TTLL11: variants seen among roughly 807,000 people sequenced by gnomAD.
TTLL11 encodes tubulin tyrosine ligase like 11.
In TTLL11, 42 loss-of-function variants were observed where a neutral mutation model predicts 51.7. The observed-to-expected ratio is 0.81, with a 90% CI of 0.64 to 1.05. TTLL11 has a LOEUF of 1.05. Ranked by LOEUF, TTLL11 falls within the 50% of genes least tolerant of loss-of-function variation. The pLI is 0.00. For missense variants in TTLL11, 799 were observed against 940.4 expected, an observed-to-expected ratio of 0.85 and a Z score of 1.97; for synonymous variants, 381 against 383.5, an observed-to-expected ratio of 0.99 and a Z score of 0.08.
rs1452440399 is a variant in TTLL11 at position 121,819,795 on chromosome 9, GT to G, written c.*2791del. ...GAAGGAACCATCTGCTTTTGCTATC[GT>G]TTCAATTACATCCAATAAAACGAGT... On this transcript the variant is annotated 3_prime_UTR_variant, in exon 9 of 9. Transcript: ENST00000321582. Among the ~76,000 whole-genome samples the G allele has an allele frequency of 6.6e-6, 1 of 152,186 alleles. No homozygotes were observed. Among genetic ancestry groups the G allele is most frequent in the Non-Finnish European group, 1.5e-5 (1 of 68,036 alleles).
Position 122,093,110 on chromosome 9 carries a change from C to T in TTLL11, c.39G>A (p.Arg13=). 1 of 1,497,602 alleles carries T rather than the reference C, an allele frequency of 6.7e-7. No individual in the cohort carries two copies. Among genetic ancestry groups the T allele is most frequent in the Non-Finnish European group, 8.8e-7 (1 of 1,130,730 alleles). 92.8% of individuals were successfully genotyped at this position (1,497,602 alleles called of 1,614,324 possible). ...CCGCAGCCACCGCCTCCGCCTCCCA[C>T]CGGGCCGCCAGCTCGCTCTCGGAGC... ...RGSSESELAA[R]WEAEAVAAAK... is the part of the protein sequence containing the mutation. Residue 13 remains arginine, a synonymous_variant, in exon 1 of 9, where the codon CGG becomes CGA. Transcript: ENST00000321582.
Position 122,092,913 on chromosome 9 carries a change from T to C in TTLL11, c.236A>G (p.Gln79Arg), listed in dbSNP as rs1435871924. 1.3e-6 allele frequency: 2 copies of C among 1,578,216 alleles called. No homozygotes were observed. Among genetic ancestry groups the C allele is most frequent in the East Asian group, 4.6e-5 (2 of 43,768 alleles). ...QPSAAEEGNT[Q>R]VLQRPPPTLP... ...CGTGGGCGGCGGCCGCTGAAGGACC[T>C]GGGTGTTCCCCTCCTCAGCCGCACT... Residue 79 changes from glutamine to arginine, a missense_variant, in exon 1 of 9, where the codon CAG becomes CGG. Coordinates refer to ENST00000321582, the MANE Select transcript of TTLL11 (RefSeq NM_001139442.2).
At chr9:122,091,275 G>A (rs888873029) in intron 1 of TTLL11, among the ~76,000 whole-genome samples, 2 of 152,186 alleles carry the variant, frequency 1.3e-5, no homozygotes, top group Non-Finnish European at 2.9e-5. Flanking sequence ...TAAGACCACG[G>A]CACTGACAAG....
intron 3 of TTLL11, among the ~76,000 whole-genome samples, chr9:122,020,742 T>C (rs73552004): frequency 0.034 from 5,149 of 152,292 alleles, 202 homozygotes; most frequent in Admixed American, 0.12. Context: ...AGTGTCCTTA[T>C]AAGAGGAGGA....
At chr9:121,897,003 C>T (rs1564293993) in intron 6 of TTLL11, among the ~76,000 whole-genome samples, 1 of 152,124 alleles carries the variant, frequency 6.6e-6, no homozygotes, top group East Asian at 1.9e-4. Flanking sequence ...AAATTTGATT[C>T]AGGCCACATT....
intron 1 of TTLL11, among the ~76,000 whole-genome samples, chr9:122,065,070 C>A (rs774392650): frequency 2.0e-4 from 30 of 152,094 alleles, no homozygotes; most frequent in Non-Finnish European, 3.7e-4. Context: ...TCAGAAGAAT[C>A]ACGTAAAGGG....
intron 4 of TTLL11, among the ~76,000 whole-genome samples, chr9:121,980,177 G>A (rs1299564414): frequency 6.6e-6 from 1 of 150,642 alleles, no homozygotes; most frequent in Non-Finnish European, 1.5e-5. Context: ...GAGGGCCAGG[G>A]GGGCCTTTCT....
intron 6 of TTLL11, among the ~76,000 whole-genome samples, chr9:121,903,083 G>T (rs886758969): frequency 1.3e-5 from 2 of 152,086 alleles, no homozygotes; most frequent in Admixed American, 1.3e-4. Flanking sequence ...CGGTCCAAAG[G>T]TAATAGTCAC....
intron 8 of TTLL11, among the ~76,000 whole-genome samples, chr9:121,834,482 CT>C (rs57838645): frequency 0.014 from 1,973 of 145,088 alleles, 52 homozygotes; most frequent in African/African-American, 0.047. Context: ...CCCTGAGTGG[CT>C]TTTTTTTTTT....
Position 121,964,884 on chromosome 9 carries a change from C to T in TTLL11, c.1481+9125G>A, listed in dbSNP as rs193183013. On this transcript the variant is annotated intron_variant, in intron 6 of 8. Coordinates refer to ENST00000321582, the MANE Select transcript of TTLL11 (RefSeq NM_001139442.2). ...AGGAAATAACCTCTCCCCACACCTGCCTCTCTTGGCAATTTGTCTTTATGC... is the reference window on the plus strand; with the variant it reads ...AGGAAATAACCTCTCCCCACACCTGTCTCTCTTGGCAATTTGTCTTTATGC... Among the ~76,000 whole-genome samples the T allele has an allele frequency of 1.9e-4, 29 of 152,298 alleles. No individual in the cohort carries two copies. The East Asian group carries it at 5.4e-3, about 28-fold the overall frequency.
At chr9:122,087,100 G>A (rs1288621053) in intron 1 of TTLL11, among the ~76,000 whole-genome samples, 4 of 152,198 alleles carry the variant, frequency 2.6e-5, no homozygotes, top group Non-Finnish European at 5.9e-5. Context: ...GCCCTGTACC[G>A]GCCCCTCTCT....
At chr9:121,865,248 T>C (rs963566853) in intron 7 of TTLL11, among the ~76,000 whole-genome samples, 2 of 152,018 alleles carry the variant, frequency 1.3e-5, no homozygotes, top group African/African-American at 2.4e-5. Flanking sequence ...TCTCAGAGAA[T>C]AAAGCCCCCC....
intron 6 of TTLL11, among the ~76,000 whole-genome samples, chr9:121,896,652 G>A (rs1366209309): frequency 6.6e-6 from 1 of 152,166 alleles, no homozygotes; most frequent in African/African-American, 2.4e-5. Context: ...ATCTGCAGGT[G>A]CCTGAACTTC....
intron 6 of TTLL11, among the ~76,000 whole-genome samples, chr9:121,939,563 T>C (rs1841360939): frequency 6.6e-6 from 1 of 152,136 alleles, no homozygotes; most frequent in African/African-American, 2.4e-5. Context: ...GTAGATGATT[T>C]ATTTTTTAAA....
chr9:121,994,972 C>T (rs1435345991), intron 3 of TTLL11, among the ~76,000 whole-genome samples: 4 of 152,132 alleles, frequency 2.6e-5, no homozygotes, highest in African/African-American at 4.8e-5. Context: ...GATAATCCCC[C>T]TATGTCTAGG....
chr9:121,874,740 C>G (rs1838500147), intron 6 of TTLL11, among the ~76,000 whole-genome samples: 1 of 151,658 alleles, frequency 6.6e-6, no homozygotes, highest in Admixed American at 6.6e-5. Flanking sequence ...GTGATGTGCT[C>G]CCTCTCAGAG....
intron 8 of TTLL11, among the ~76,000 whole-genome samples, chr9:121,831,211 G>C (rs1836995373): frequency 6.6e-6 from 1 of 152,188 alleles, no homozygotes; most frequent in Non-Finnish European, 1.5e-5. Context: ...AAATAATCTG[G>C]GGACCTTGCC....
At chr9:122,090,686 A>C (rs1158963150) in intron 1 of TTLL11, among the ~76,000 whole-genome samples, 1 of 152,204 alleles carries the variant, frequency 6.6e-6, no homozygotes, top group African/African-American at 2.4e-5. Flanking sequence ...TCTGTGTGCC[A>C]AGTACCTGCG....
In TTLL11 at chr9:121,822,914, C is replaced by G. The variant is rs1345457339; in HGVS notation, c.1841-35G>C. On this transcript the variant is annotated intron_variant, in intron 8 of 8. Coordinates refer to ENST00000321582, the MANE Select transcript of TTLL11 (RefSeq NM_001139442.2). The surrounding 1 kb of genome is among the most constrained non-coding windows in gnomAD (Gnocchi z 5.8). ...AAGAGACTGGATGAGGGGGTGCACA[C>G]AGCTGCCCTACGCTGCCCTGGGAAG... The G allele has an allele frequency of 2.6e-6, 4 of 1,523,078 alleles. No homozygotes were observed. The highest frequency in any genetic ancestry group is 1.7e-4 in the Middle Eastern group (1 of 5,780). 94.3% of individuals were successfully genotyped at this position (1,523,078 alleles called of 1,614,324 possible).
Sources: allele counts gnomAD v4.1 joint callset (sites outside exome capture counted in the v4.1 genomes callset), GRCh38; gene constraint gnomAD v4.1.1; non-coding constraint Gnocchi (gnomAD v3.1); transcripts MANE v1.5; gene names NCBI Gene and HGNC (gene_info 2026-07-23, HGNC 2026-07-21).